Variants in GRM8 observed in about 807,000 individuals in gnomAD.
GRM8 encodes the protein metabotropic glutamate receptor 8.
Under a neutral mutation model 87.2 loss-of-function variants are expected in GRM8, and 47 were observed. That is an observed-to-expected ratio of 0.54 (90% CI 0.43 to 0.69). The LOEUF (loss-of-function observed/expected upper bound fraction) is 0.69. Ranked by LOEUF, GRM8 falls within the 30% of genes least tolerant of loss-of-function variation. The pLI, the probability that GRM8 is intolerant of heterozygous loss-of-function variation, is 0.00. For synonymous variants in GRM8, 396 were observed against 404.5 expected (o/e 0.98, Z 0.25); for missense variants, 1,019 against 1,139.2 (o/e 0.89, Z 1.52).
At position 126,679,321 on chromosome 7, in the gene GRM8, C is replaced by T. The variant is rs112078566; in HGVS notation, c.1358-69823G>A. 1.1e-3 allele frequency among the ~76,000 whole-genome samples: 171 copies of T among 152,138 alleles called. 1 individual carries two copies. Among genetic ancestry groups the T allele is most frequent in the African/African-American group, 3.8e-3 (158 of 41,476 alleles). ...TATTTTATCTACTATTATTTTTGGA[C>T]GCATGGACAAACAATTCATAATTAA... On this transcript the variant is annotated intron_variant, in intron 7 of 10. Transcript: ENST00000339582.
intron 6 of GRM8, among the ~76,000 whole-genome samples, chr7:126,790,671 TGAA>T (rs911698887): frequency 2.6e-5 from 4 of 151,778 alleles, no homozygotes; most frequent in African/African-American, 9.7e-5. Context: ...AGTCAGAGGG[TGAA>T]GAAGTTTTTG....
chr7:126,708,485 T>C (rs914598592), intron 7 of GRM8, among the ~76,000 whole-genome samples: 1 of 151,642 alleles, frequency 6.6e-6, no homozygotes, highest in Non-Finnish European at 1.5e-5. Flanking sequence ...TAAGTGTCTG[T>C]CAATGGATGA....
intron 3 of GRM8, among the ~76,000 whole-genome samples, chr7:127,076,555 T>TC (rs1158109569): frequency 6.6e-6 from 1 of 151,980 alleles, no homozygotes; most frequent in Non-Finnish European, 1.5e-5. Context: ...TTCCTAAGTT[T>TC]CCTCCATTCT....
chr7:127,015,593 T>C (rs1815583731), intron 3 of GRM8, among the ~76,000 whole-genome samples: 1 of 152,178 alleles, frequency 6.6e-6, no homozygotes, highest in South Asian at 2.1e-4. Flanking sequence ...GTACTTTCAC[T>C]GTTCGCAATT....
chr7:127,215,886 T>TA (rs908148434), intron 2 of GRM8, among the ~76,000 whole-genome samples: 6 of 152,004 alleles, frequency 3.9e-5, no homozygotes, highest in African/African-American at 9.6e-5. Context: ...TTTCTAGAAC[T>TA]AAAAAAAATG....
intron 6 of GRM8, among the ~76,000 whole-genome samples, chr7:126,803,227 C>A (rs1822927282): frequency 1.3e-5 from 2 of 152,112 alleles, no homozygotes; most frequent in Non-Finnish European, 2.9e-5. Flanking sequence ...GACTTTGGAA[C>A]CTTGTGTCTG....
At chr7:126,619,009 C>T (rs1799821737) in intron 7 of GRM8, among the ~76,000 whole-genome samples, 1 of 152,176 alleles carries the variant, frequency 6.6e-6, no homozygotes, top group Admixed American at 6.5e-5. Context: ...TTTGACCCAG[C>T]CATCCCATTA....
At chr7:126,887,725 A>G (rs1800633520) in intron 6 of GRM8, among the ~76,000 whole-genome samples, 1 of 152,068 alleles carries the variant, frequency 6.6e-6, no homozygotes, top group Admixed American at 6.6e-5. Flanking sequence ...AGGTCATTTA[A>G]ACATTTAATC....
At chr7:126,825,366 C>T (rs1162410548) in intron 6 of GRM8, among the ~76,000 whole-genome samples, 1 of 152,020 alleles carries the variant, frequency 6.6e-6, no homozygotes, top group East Asian at 1.9e-4. Context: ...ATGCCCGGCC[C>T]CAAACATATA....
At chr7:126,888,622 C>T (rs1457852337) in intron 6 of GRM8, among the ~76,000 whole-genome samples, 4 of 152,064 alleles carry the variant, frequency 2.6e-5, no homozygotes, top group African/African-American at 7.2e-5. Flanking sequence ...CTGTGGTTTG[C>T]TGAATTGGCA....
At chr7:126,488,917 A>G (rs142852504) in intron 9 of GRM8, among the ~76,000 whole-genome samples, 20 of 151,960 alleles carry the variant, frequency 1.3e-4, no homozygotes, top group Non-Finnish European at 2.2e-4. Context: ...AAAACATTTA[A>G]TATTATAAAT....
intron 7 of GRM8, among the ~76,000 whole-genome samples, chr7:126,704,693 G>A (rs1250850338): frequency 6.6e-6 from 1 of 152,084 alleles, no homozygotes; most frequent in Non-Finnish European, 1.5e-5. Flanking sequence ...TCGAGCTGTA[G>A]GGATGAAATA....
chr7:127,223,486 C>A (rs924576263), intron 2 of GRM8, among the ~76,000 whole-genome samples: 7 of 143,766 alleles, frequency 4.9e-5, no homozygotes, highest in South Asian at 2.2e-4. Flanking sequence ...CACACACACA[C>A]AAAACTGTGG....
intron 3 of GRM8, among the ~76,000 whole-genome samples, chr7:127,072,274 G>C (rs1458550988): frequency 6.6e-6 from 1 of 152,068 alleles, no homozygotes; most frequent in African/African-American, 2.4e-5. Flanking sequence ...CTCCCTATCT[G>C]CACAAACTCT....
chr7:126,718,371 T>C (rs999549585), intron 7 of GRM8, among the ~76,000 whole-genome samples: 2 of 152,190 alleles, frequency 1.3e-5, no homozygotes, highest in Non-Finnish European at 2.9e-5. Context: ...TACCTGACTA[T>C]TTTAGGCTCA....
chr7:126,989,842 G>A (rs1812464295), intron 3 of GRM8, among the ~76,000 whole-genome samples: 1 of 151,920 alleles, frequency 6.6e-6, no homozygotes, highest in South Asian at 2.1e-4. Flanking sequence ...CGTGCCTGTG[G>A]TCCCAGCTAC....
chr7:126,666,583 C>T (rs1464432964), intron 7 of GRM8, among the ~76,000 whole-genome samples: 1 of 151,896 alleles, frequency 6.6e-6, no homozygotes, highest in Non-Finnish European at 1.5e-5. Flanking sequence ...GCATGTCACA[C>T]CCAAAATAAC....
At chr7:126,632,643 C>G (rs1277269196) in intron 7 of GRM8, among the ~76,000 whole-genome samples, 1 of 152,066 alleles carries the variant, frequency 6.6e-6, no homozygotes, top group East Asian at 1.9e-4. Context: ...AAGTACCCAT[C>G]AATAAGAGAC....
At chr7:126,579,803 T>C (rs1342072450) in intron 8 of GRM8, among the ~76,000 whole-genome samples, 2 of 152,098 alleles carry the variant, frequency 1.3e-5, no homozygotes, top group African/African-American at 4.8e-5. Context: ...AAAAACTAAT[T>C]AACTTAAATA....
Sources: gnomAD v4.1 joint callset for allele counts (sites outside exome capture counted in the v4.1 genomes callset) on GRCh38, gnomAD v4.1.1 for gene constraint, MANE v1.5 for transcripts, NCBI Gene and HGNC (gene_info 2026-07-23, HGNC 2026-07-21) for gene names.